Variants in TRNAU1AP observed in about 807,000 individuals in gnomAD.
TRNAU1AP encodes the protein tRNA selenocysteine 1-associated protein 1.
A neutral mutation model predicts 43.3 loss-of-function variants in TRNAU1AP; 33 were observed. The ratio of observed to expected loss-of-function variants is 0.76; its 90% CI spans 0.58 to 1.02. The LOEUF is 1.02. Ranked by LOEUF, TRNAU1AP falls within the 50% of genes least tolerant of loss-of-function variation. The probability of loss-of-function intolerance (pLI) is 0.00; values close to 1 mark genes in which losing one functional copy is unlikely to be tolerated. For synonymous variants in TRNAU1AP, 143 were observed against 129.1 expected, an observed-to-expected ratio of 1.11 and a Z score of -0.73; for missense variants, 290 against 362.7, an observed-to-expected ratio of 0.80 and a Z score of 1.63.
intron 8 of TRNAU1AP, among the ~76,000 whole-genome samples, chr1:28,575,372 C>T (rs994543615): frequency 6.6e-6 from 1 of 151,712 alleles, no homozygotes; most frequent in African/African-American, 2.4e-5. Context: ...CCATGATGGT[C>T]TCTATCTTTT....
chr1:28,577,841 A>G lies in TRNAU1AP; in HGVS notation c.*205A>G, dbSNP rs1665833678. 7.0e-6 allele frequency: 4 copies of G among 569,924 alleles called. No individual in the cohort carries two copies. In the East Asian group the frequency reaches 1.3e-4, roughly 19 times the overall value. 35.3% of individuals were successfully genotyped at this position (569,924 alleles called of 1,614,324 possible). A position where few individuals can be genotyped will look rare whatever the true frequency, so the allele number is the denominator to read the frequency against. ...GGGAACAACTTTTAAACAAGGTTCA[A>G]ATTGGTTTCCTTCACAGGAATCCTT... is the stretch of plus-strand genomic sequence containing the variant. On this transcript the variant is annotated 3_prime_UTR_variant, in exon 9 of 9. Transcript: ENST00000373830.
At chr1:28,570,772 G>A (rs1665646899) in intron 6 of TRNAU1AP, among the ~76,000 whole-genome samples, 2 of 152,060 alleles carry the variant, frequency 1.3e-5, no homozygotes, top group Admixed American at 1.3e-4. Context: ...TATTGCATAT[G>A]GTTGTTTTGA....
intron 4 of TRNAU1AP, among the ~76,000 whole-genome samples, chr1:28,562,984 C>T (rs1047127892): frequency 1.8e-4 from 27 of 150,946 alleles, no homozygotes; most frequent in African/African-American, 6.1e-4. Flanking sequence ...CAATCTTTGC[C>T]GCCTGGGTCC....
intron 5 of TRNAU1AP, chr1:28,565,866 T>C (rs1570252961): frequency 6.6e-6 from 1 of 152,140 alleles, no homozygotes; most frequent in East Asian, 1.9e-4. Context: ...AGTTATATGC[T>C]CAGGCTTTGA....
Position 28,578,168 on chromosome 1 carries a change from A to ATAAT in TRNAU1AP, c.*533_*536dup, listed in dbSNP as rs1314661220. Reference sequence around the variant, plus strand: ...GGCCTAAGAATTAGTACTTGCTCTAATAATGGGTTTCATCTATTTTCATGA... The same window carrying ATAAT: ...GGCCTAAGAATTAGTACTTGCTCTAATAATTAATGGGTTTCATCTATTTTCATGA... On this transcript the variant is annotated 3_prime_UTR_variant, in exon 9 of 9. Transcript: ENST00000373830. 6.3e-6 allele frequency: 1 copy of ATAAT among 157,620 alleles called. No homozygotes were observed. 9.8% of individuals were successfully genotyped at this position (157,620 alleles called of 1,614,324 possible).
At chr1:28,561,484 T>G (rs958899354) in intron 4 of TRNAU1AP, 86 bp downstream of exon 4, 1 of 1,500,484 alleles carries the variant, frequency 6.7e-7, no homozygotes, top group African/African-American at 1.4e-5. Context: ...CCGGTTTGGC[T>G]GCACTTGGTT....
chr1:28,555,230 CAAAAAAAAA>C (rs760635096), intron 2 of TRNAU1AP, among the ~76,000 whole-genome samples: 2 of 122,376 alleles, frequency 1.6e-5, no homozygotes. Flanking sequence ...AACTCCATCT[CAAAAAAAAA>C]AAAAAAATTA....
intron 5 of TRNAU1AP, among the ~76,000 whole-genome samples, chr1:28,566,481 G>A (rs1054243375): frequency 5.9e-5 from 9 of 152,082 alleles, no homozygotes; most frequent in African/African-American, 2.2e-4. Context: ...GGCCAGGCGT[G>A]GTGGCTCATG....
Position 28,558,560 on chromosome 1 carries a change from ATT to A in TRNAU1AP, c.126-2052_126-2051del, listed in dbSNP as rs756554853. ...AGGCACACACCACTACGCCCGACTA[ATT>A]TTTTTTTTTTTTTTTTTTTTGAGAC... is the stretch of plus-strand genomic sequence containing the variant. On this transcript the variant is annotated intron_variant, in intron 2 of 8. Coordinates refer to ENST00000373830, the MANE Select transcript of TRNAU1AP (RefSeq NM_017846.5). 4.1e-3 allele frequency among the ~76,000 whole-genome samples: 365 copies of A among 88,324 alleles called. 1 individual carries two copies. Among genetic ancestry groups the A allele is most frequent in the African/African-American group, 0.014 (265 of 18,328 alleles). 57.9% of individuals were successfully genotyped at this position (88,324 alleles called of 152,430 possible).
intron 5 of TRNAU1AP, 25 bp downstream of exon 5, chr1:28,564,859 C>T (rs762781990): frequency 6.2e-7 from 1 of 1,613,426 alleles, no homozygotes; most frequent in Non-Finnish European, 8.5e-7. Context: ...GTTACTGATG[C>T]TTAACTGTGT....
In TRNAU1AP at chr1:28,577,644, A is replaced by C; in HGVS notation, c.*8A>C. On this transcript the variant is annotated 3_prime_UTR_variant, in exon 9 of 9. Transcript: ENST00000373830. The stretch of plus-strand genomic sequence containing the variant: ...ATCCCTGCCATGATGTAGCCAGGCC[A>C]AAGGACAAGCCAGGTTGCATGATGT... 6.2e-7 allele frequency: 1 copy of C among 1,612,430 alleles called. No homozygotes were observed. The highest frequency in any genetic ancestry group is 2.2e-5 in the East Asian group (1 of 44,852).
intron 1 of TRNAU1AP, 195 bp downstream of exon 1, chr1:28,553,332 GC>G (rs1325567937): frequency 1.9e-5 from 14 of 727,116 alleles, no homozygotes; most frequent in Non-Finnish European, 2.9e-5. Context: ...GGGTCCTGGG[GC>G]CCCACCTGGG....
intron 2 of TRNAU1AP, among the ~76,000 whole-genome samples, chr1:28,559,854 A>G (rs1272555782): frequency 6.6e-6 from 1 of 151,922 alleles, no homozygotes; most frequent in Non-Finnish European, 1.5e-5. Flanking sequence ...GTCTGGGGCC[A>G]GGTGCCTTGG....
chr1:28,576,001 C>G (rs1184910047), intron 8 of TRNAU1AP, among the ~76,000 whole-genome samples: 4 of 151,072 alleles, frequency 2.6e-5, no homozygotes, highest in African/African-American at 7.3e-5. Context: ...GCTGGGACTA[C>G]AGGCGTGCAC....
chr1:28,576,550 C>T (rs1227740232), intron 8 of TRNAU1AP, among the ~76,000 whole-genome samples: 1 of 151,850 alleles, frequency 6.6e-6, no homozygotes, highest in African/African-American at 2.4e-5. Flanking sequence ...ATCTCTTGAC[C>T]TTGTGATCTG....
At chr1:28,560,977 G>T in intron 3 of TRNAU1AP, 2 of 1,152,598 alleles carry the variant, frequency 1.7e-6, no homozygotes, top group Non-Finnish European at 2.3e-6. Context: ...CCAAATCCAT[G>T]CCTTTCCATT....
intron 2 of TRNAU1AP, among the ~76,000 whole-genome samples, chr1:28,558,872 A>G (rs1471827568): frequency 1.3e-5 from 2 of 152,064 alleles, no homozygotes; most frequent in Non-Finnish European, 2.9e-5. Context: ...GCGAAACTGG[A>G]CGTTTTCTTA....
In TRNAU1AP at chr1:28,553,153, C is replaced by T. The variant is rs764733156; in HGVS notation, c.27+16C>T. 6 of 1,511,668 alleles carry T rather than the reference C, an allele frequency of 4.0e-6. No individual in the cohort carries two copies. The highest frequency in any genetic ancestry group is 2.6e-5 in the East Asian group (1 of 38,382). The allele number at this position is 1,511,668 out of a possible 1,614,324, so 93.6% of individuals were successfully genotyped here. ...GATGGGCGACGTGAGTGAGGGCAGC[C>T]GTCCGGGGTCTGAAGACAAGGAAGC... is the stretch of plus-strand genomic sequence containing the variant. On this transcript the variant is annotated intron_variant, in intron 1 of 8. Transcript: ENST00000373830.
At chr1:28,558,956 A>G (rs1255776214) in intron 2 of TRNAU1AP, among the ~76,000 whole-genome samples, 1 of 152,210 alleles carries the variant, frequency 6.6e-6, no homozygotes, top group Non-Finnish European at 1.5e-5. Context: ...GCAGGTCTAC[A>G]TTTAAATTTT....
Sources: gnomAD v4.1 joint callset for allele counts (sites outside exome capture counted in the v4.1 genomes callset) on GRCh38, gnomAD v4.1.1 for gene constraint, MANE v1.5 for transcripts, NCBI Gene and HGNC (gene_info 2026-07-23, HGNC 2026-07-21) for gene names.